The following PCLO variants were observed in gnomAD, a reference collection of about 807,000 sequenced individuals.
The protein encoded by PCLO is protein piccolo.
A neutral mutation model predicts 427.5 loss-of-function variants in PCLO; 82 were observed. The ratio of observed to expected loss-of-function variants is 0.19; its 90% CI spans 0.16 to 0.23. The LOEUF is 0.23. PCLO is among the 10% of genes least tolerant of loss of function. PCLO has a pLI of 1.00. For missense variants in PCLO, 6,239 were observed against 6,115.9 expected, an observed-to-expected ratio of 1.02 and a Z score of -0.67; for synonymous variants, 2,357 against 2,155.4, an observed-to-expected ratio of 1.09 and a Z score of -2.59.
At chr7:83,088,397 C>A (rs1790292479) in intron 3 of PCLO, among the ~76,000 whole-genome samples, 1 of 152,198 alleles carries the variant, frequency 6.6e-6, no homozygotes, top group Non-Finnish European at 1.5e-5. Flanking sequence ...GAAAACAAAT[C>A]CCTGCTCAAA....
rs74380179 is a variant in PCLO, at chr7:83,131,721, C to T, written c.3300+2529G>A. Among the ~76,000 whole-genome samples the T allele has an allele frequency of 9.1e-3, 1,388 of 151,946 alleles. 27 individuals are homozygous for T. Among genetic ancestry groups the T allele is most frequent in the African/African-American group, 0.032 (1,323 of 41,434 alleles). On this transcript the variant is annotated intron_variant, in intron 3 of 24. Coordinates refer to ENST00000333891, the MANE Select transcript of PCLO (RefSeq NM_033026.6). ...GACTGGCATGGAAGTACGGTACTAA[C>T]CAGCCAAGCAGAAAATATTAGGTCA... is the stretch of plus-strand genomic sequence containing the variant.
chr7:82,908,834 T>C (rs1392584873), intron 8 of PCLO, 43 bp downstream of exon 8: 1 of 1,558,754 alleles, frequency 6.4e-7, no homozygotes, highest in Admixed American at 1.8e-5. Context: ...GACTTGAGTC[T>C]TTTTTGATAA....
At position 82,902,522 on chromosome 7, in the gene PCLO, C is replaced by T. The variant is rs149027796; in HGVS notation, c.13528+129G>A. 4.6e-3 allele frequency: 2,697 copies of T among 585,806 alleles called. 60 individuals are homozygous for T. The highest frequency in any genetic ancestry group is 0.043 in the African/African-American group (2,262 of 53,086). The allele number at this position is 585,806 out of a possible 1,614,324, so 36.3% of individuals were successfully genotyped here. The stretch of plus-strand genomic sequence containing the variant: ...AGCACACCAGCATGGCACATGTATA[C>T]ATATGTAACTAACATGCACATTGTG... On this transcript the variant is annotated intron_variant, in intron 9 of 24. Transcript: ENST00000333891.
chr7:83,083,821 T>C lies in PCLO; in HGVS notation c.3300+50429A>G, dbSNP rs1443944658. ...AACTATTGGAACAGATTCTTGAAATTCCTCCAGTGGCGATGTATTTTCTTG... is the reference window on the plus strand; with the variant it reads ...AACTATTGGAACAGATTCTTGAAATCCCTCCAGTGGCGATGTATTTTCTTG... On this transcript the variant is annotated intron_variant, in intron 3 of 24. Transcript: ENST00000333891. Among the ~76,000 whole-genome samples, 3 of 152,126 alleles carry C rather than the reference T, an allele frequency of 2.0e-5. No homozygotes were observed. The East Asian group carries it at 5.8e-4, about 29-fold the overall frequency.
At chr7:83,007,014 T>C (rs1486310333) in intron 3 of PCLO, among the ~76,000 whole-genome samples, 1 of 151,400 alleles carries the variant, frequency 6.6e-6, no homozygotes, top group Non-Finnish European at 1.5e-5. Context: ...CTACTACCAC[T>C]AGAATATAAA....
intron 14 of PCLO, among the ~76,000 whole-genome samples, chr7:82,840,792 AG>A (rs1237405831): frequency 6.6e-6 from 1 of 151,984 alleles, no homozygotes; most frequent in African/African-American, 2.4e-5. Context: ...ACTATTTTAT[AG>A]TGTTAATTCT....
chr7:82,967,114 GAAGC>G (rs1410395918), intron 3 of PCLO, among the ~76,000 whole-genome samples: 2 of 151,672 alleles, frequency 1.3e-5, no homozygotes, highest in African/African-American at 4.8e-5. Flanking sequence ...AGTTGAATAA[GAAGC>G]ACTCCAAGTC....
At chr7:82,971,418 GTA>G (rs1795900366) in intron 3 of PCLO, among the ~76,000 whole-genome samples, 1 of 150,568 alleles carries the variant, frequency 6.6e-6, no homozygotes, top group South Asian at 2.1e-4. Flanking sequence ...ATGTGTGTGT[GTA>G]TATATATGTG....
chr7:82,807,626 G>A (rs1014061961), intron 20 of PCLO, among the ~76,000 whole-genome samples: 1 of 151,910 alleles, frequency 6.6e-6, no homozygotes, highest in Non-Finnish European at 1.5e-5. Flanking sequence ...TTTCAATTTC[G>A]TCGGTAGCAG....
At chr7:82,762,333 G>A (rs1790448201) in intron 22 of PCLO, among the ~76,000 whole-genome samples, 1 of 152,068 alleles carries the variant, frequency 6.6e-6, no homozygotes, top group East Asian at 1.9e-4. Flanking sequence ...AGAAGGAACA[G>A]TGTGTTCTCA....
At position 83,142,952 on chromosome 7, in the gene PCLO, C is replaced by A. The variant is rs565976808; in HGVS notation, c.1894-7296G>T. ...CAGCCTGGGAGACATAGCAAGACTC[C>A]ATCTCAAAAAAAAAAGAGCAAACAC... On this transcript the variant is annotated intron_variant, in intron 2 of 24. Transcript: ENST00000333891. 3.3e-5 allele frequency among the ~76,000 whole-genome samples: 5 copies of A among 151,410 alleles called. No individual in the cohort carries two copies. In the South Asian group the frequency reaches 8.3e-4, roughly 25 times the overall value.
intron 13 of PCLO, among the ~76,000 whole-genome samples, chr7:82,844,325 T>C (rs2715160): frequency 1 from 152,197 of 152,264 alleles, 76,065 homozygotes; most frequent in Middle Eastern, 1. Flanking sequence ...CCTAACTGCC[T>C]TTGAAATTAC....
intron 3 of PCLO, among the ~76,000 whole-genome samples, chr7:83,048,893 T>C (rs1789166691): frequency 6.6e-6 from 1 of 152,208 alleles, no homozygotes; most frequent in Non-Finnish European, 1.5e-5. Flanking sequence ...CTATTTAACA[T>C]GCACTTTACC....
intron 16 of PCLO, among the ~76,000 whole-genome samples, chr7:82,832,933 G>A (rs760179329): frequency 1.5e-4 from 23 of 151,884 alleles, no homozygotes; most frequent in Non-Finnish European, 3.1e-4. Flanking sequence ...GTTTAATAGT[G>A]CGATGGTGTG....
chr7:82,817,738 G>A (rs955601536), intron 20 of PCLO, among the ~76,000 whole-genome samples: 1 of 152,236 alleles, frequency 6.6e-6, no homozygotes. Context: ...CAGGGAACTC[G>A]AAATCATATT....
intron 3 of PCLO, among the ~76,000 whole-genome samples, chr7:83,086,734 A>T (rs1355925981): frequency 1.3e-5 from 2 of 152,152 alleles, no homozygotes; most frequent in Non-Finnish European, 2.9e-5. Flanking sequence ...AGAAATCAAC[A>T]GAGATACATA....
chr7:82,790,204 G>A (rs1562787322), intron 22 of PCLO, among the ~76,000 whole-genome samples: 1 of 151,980 alleles, frequency 6.6e-6, no homozygotes, highest in South Asian at 2.1e-4. Flanking sequence ...CCATCCTTCA[G>A]AACCCCAAAT....
At chr7:82,788,425 T>G (rs1246094511) in intron 22 of PCLO, among the ~76,000 whole-genome samples, 6 of 151,790 alleles carry the variant, frequency 4.0e-5, no homozygotes, top group Non-Finnish European at 5.9e-5. Flanking sequence ...TAAATTACAT[T>G]TCTTCTGGTT....
At chr7:83,106,735 T>TA (rs1360624082) in intron 3 of PCLO, among the ~76,000 whole-genome samples, 4 of 152,114 alleles carry the variant, frequency 2.6e-5, no homozygotes, top group Admixed American at 6.6e-5. Flanking sequence ...TAATAGGCTA[T>TA]AAAAAATTTA....
Sources: gnomAD v4.1 joint callset for allele counts (sites outside exome capture counted in the v4.1 genomes callset) on GRCh38, gnomAD v4.1.1 for gene constraint, MANE v1.5 for transcripts, NCBI Gene and HGNC (gene_info 2026-07-23, HGNC 2026-07-21) for gene names.